Variants in ANKRD6 observed in about 807,000 individuals in gnomAD.
ANKRD6 encodes ankyrin repeat domain 6, also known as ankyrin repeat domain-containing protein 6.
ANKRD6 carries 56 observed loss-of-function variants against 82.3 expected under a neutral mutation model. That is an observed-to-expected ratio of 0.68 (90% CI 0.55 to 0.85). ANKRD6 has a LOEUF of 0.85. Ranked by LOEUF, ANKRD6 falls within the 40% of genes least tolerant of loss-of-function variation. ANKRD6 has a pLI of 0.00. For missense variants in ANKRD6, 852 were observed against 907.6 expected, an observed-to-expected ratio of 0.94 and a Z score of 0.79; for synonymous variants, 347 against 352.1, an observed-to-expected ratio of 0.99 and a Z score of 0.16.
intron 1 of ANKRD6, among the ~76,000 whole-genome samples, chr6:89,490,117 C>A (rs1389608303): frequency 6.6e-6 from 1 of 152,172 alleles, no homozygotes; most frequent in African/African-American, 2.4e-5. Context: ...CCTTAGTTTT[C>A]TGGTCATTCA....
rs151017512 is a variant in ANKRD6, at chr6:89,438,094, A to G, written c.-144+4719A>G. On this transcript the variant is annotated intron_variant, in intron 1 of 15. Coordinates refer to ENST00000339746, the MANE Select transcript of ANKRD6 (RefSeq NM_001242809.2). Reference sequence around the variant, plus strand: ...CTCTTCTTATACATATGATTCCTCAATAGTTGCATTTATCTTAGAAATACT... The same window carrying G: ...CTCTTCTTATACATATGATTCCTCAGTAGTTGCATTTATCTTAGAAATACT... 1.5e-3 allele frequency among the ~76,000 whole-genome samples: 229 copies of G among 152,354 alleles called. 1 individual carries two copies. Among genetic ancestry groups the G allele is most frequent in the African/African-American group, 5.2e-3 (218 of 41,580 alleles).
At chr6:89,516,570 G>A (rs570307687) in intron 1 of ANKRD6, among the ~76,000 whole-genome samples, 1 of 152,220 alleles carries the variant, frequency 6.6e-6, no homozygotes, top group African/African-American at 2.4e-5. Flanking sequence ...CACCTCCTGG[G>A]TTCAAGCGAT....
intron 5 of ANKRD6, 132 bp downstream of exon 5, chr6:89,606,237 C>T (rs773389750): frequency 1.2e-5 from 8 of 659,620 alleles, no homozygotes; most frequent in South Asian, 2.6e-5. Flanking sequence ...AAGGTCCATT[C>T]GGCCCAGAAG....
At chr6:89,614,334 G>A (rs1355348705) in intron 7 of ANKRD6, among the ~76,000 whole-genome samples, 1 of 152,022 alleles carries the variant, frequency 6.6e-6, no homozygotes, top group Non-Finnish European at 1.5e-5. Context: ...GCGAGACCCT[G>A]TCTCTACAAA....
At chr6:89,492,534 C>T (rs1357800467) in intron 1 of ANKRD6, among the ~76,000 whole-genome samples, 1 of 152,214 alleles carries the variant, frequency 6.6e-6, no homozygotes, top group African/African-American at 2.4e-5. Context: ...CAACCACGCA[C>T]ACCCCACTAG....
Position 89,456,017 on chromosome 6 carries a change from G to A in ANKRD6, c.-144+22642G>A, listed in dbSNP as rs188595852. Among the ~76,000 whole-genome samples the A allele has an allele frequency of 9.9e-5, 15 of 152,238 alleles. No individual in the cohort carries two copies. The East Asian group carries it at 2.9e-3, about 29-fold the overall frequency. On this transcript the variant is annotated intron_variant, in intron 1 of 15. Coordinates refer to ENST00000339746, the MANE Select transcript of ANKRD6 (RefSeq NM_001242809.2). The stretch of plus-strand genomic sequence containing the variant: ...GCCTCCTGAGTAACTGGGATTACAG[G>A]CACATGCCATCATGCCTGACTAATT...
At chr6:89,608,368 CT>C (rs1436574669) in intron 5 of ANKRD6, among the ~76,000 whole-genome samples, 3 of 130,752 alleles carry the variant, frequency 2.3e-5, no homozygotes, top group Non-Finnish European at 4.9e-5. Flanking sequence ...CACACACACA[CT>C]ATATATATAT....
chr6:89,493,550 C>T (rs1003242996), intron 1 of ANKRD6, among the ~76,000 whole-genome samples: 35 of 152,284 alleles, frequency 2.3e-4, no homozygotes, highest in African/African-American at 8.2e-4. Context: ...GCTGGGACTA[C>T]AGGCATGCAC....
intron 1 of ANKRD6, among the ~76,000 whole-genome samples, chr6:89,445,264 CTTTT>C (rs1227274602): frequency 3.1e-5 from 2 of 64,092 alleles, no homozygotes; most frequent in Non-Finnish European, 5.6e-5. Context: ...AGAGATCTTT[CTTTT>C]TTTTTTTTTT....
chr6:89,496,115 T>C (rs1778581438), intron 1 of ANKRD6, among the ~76,000 whole-genome samples: 1 of 151,630 alleles, frequency 6.6e-6, no homozygotes, highest in African/African-American at 2.4e-5. Flanking sequence ...GACTCCGGAG[T>C]TGTGCTTCTC....
At position 89,616,641 on chromosome 6, in the gene ANKRD6, C is replaced by T. The variant is rs2273238; in HGVS notation, c.698C>T (p.Thr233Met). The T allele has an allele frequency of 0.073, 117,103 of 1,613,750 alleles. 9,146 individuals are homozygous for T. The highest frequency in any genetic ancestry group is 0.3 in the African/African-American group (22,252 of 74,980). ...ATCTTACTGGAAGCCGGAGCAGATA[C>T]GACCATTGTTAACAATGTAAGTTGA... The part of the protein sequence containing the change: ...AKILLEAGAD[T>M]TIVNNAGQTP... Residue 233 changes from threonine (T) to methionine (M), a missense_variant, in exon 8 of 16, where the codon ACG (threonine) becomes ATG (methionine). Coordinates refer to ENST00000339746, the MANE Select transcript of ANKRD6 (RefSeq NM_001242809.2).
chr6:89,528,397 C>G (rs1002660608), intron 1 of ANKRD6, among the ~76,000 whole-genome samples: 23 of 152,364 alleles, frequency 1.5e-4, no homozygotes, highest in African/African-American at 5.5e-4. Flanking sequence ...TAAGAAGGAA[C>G]TCCTCATTCA....
At chr6:89,597,418 C>T (rs146190493) in intron 3 of ANKRD6, among the ~76,000 whole-genome samples, 132 of 152,290 alleles carry the variant, frequency 8.7e-4, no homozygotes, top group African/African-American at 3.1e-3. Context: ...TGTTGGGATG[C>T]ATTTGGTCTT....
chr6:89,618,054 T>C (rs1286543663), intron 9 of ANKRD6, 23 bp downstream of exon 9: 9 of 1,612,946 alleles, frequency 5.6e-6, no homozygotes, highest in Non-Finnish European at 7.6e-6. Flanking sequence ...GCCCTTTCCA[T>C]GGTACTGATT....
chr6:89,481,477 A>T lies in ANKRD6; in HGVS notation c.-144+48102A>T, dbSNP rs184211155. 1.7e-3 allele frequency among the ~76,000 whole-genome samples: 254 copies of T among 152,310 alleles called. 2 individuals are homozygous for T. Among genetic ancestry groups the T allele is most frequent in the African/African-American group, 5.8e-3 (239 of 41,554 alleles). Reference sequence around the variant, plus strand: ...CCCCCCAAAATTCAAAATCGGAAACACTTCTGATTCTAAGCATTTCAAATT... The same window carrying T: ...CCCCCCAAAATTCAAAATCGGAAACTCTTCTGATTCTAAGCATTTCAAATT... On this transcript the variant is annotated intron_variant, in intron 1 of 15. Coordinates refer to ENST00000339746, the MANE Select transcript of ANKRD6 (RefSeq NM_001242809.2).
At chr6:89,590,455 C>G (rs1794662936) in intron 2 of ANKRD6, among the ~76,000 whole-genome samples, 1 of 152,114 alleles carries the variant, frequency 6.6e-6, no homozygotes, top group African/African-American at 2.4e-5. Flanking sequence ...GCTTACACAC[C>G]AATACAGAGA....
At chr6:89,594,470 A>G (rs1383967910) in intron 2 of ANKRD6, among the ~76,000 whole-genome samples, 1 of 151,386 alleles carries the variant, frequency 6.6e-6, no homozygotes, top group Non-Finnish European at 1.5e-5. Context: ...AAAAAAAAAC[A>G]AAGGTTTGAA....
At position 89,630,922 on chromosome 6, in the gene ANKRD6, ATAAGGC is replaced by A; in HGVS notation, c.2105_2110del (p.Lys702_Ala703del). The A allele has an allele frequency of 6.2e-7, 1 of 1,610,708 alleles. No individual in the cohort carries two copies. The highest frequency in any genetic ancestry group is 1.1e-5 in the South Asian group (1 of 90,506). ...CAAGCCAATCAGAAAGCCCAGCAAG[ATAAGGC>A]TACATTGAAGGAACACATTAAAAGT... is the stretch of plus-strand genomic sequence containing the variant. On this transcript the variant is annotated inframe_deletion, in exon 16 of 16. Coordinates refer to ENST00000339746, the MANE Select transcript of ANKRD6 (RefSeq NM_001242809.2).
rs112142761 is a variant in ANKRD6, at chr6:89,529,185, C to T, written c.-143-37649C>T. ...ATCTTCTTCCAGTAGAAGGCTGATT[C>T]ATGTACATTGAAAAATCTGTTGTTT... On this transcript the variant is annotated intron_variant, in intron 1 of 15. Coordinates refer to ENST00000339746, the MANE Select transcript of ANKRD6 (RefSeq NM_001242809.2). 8.2e-3 allele frequency among the ~76,000 whole-genome samples: 1,254 copies of T among 152,326 alleles called. 25 individuals are homozygous for T. Among genetic ancestry groups the T allele is most frequent in the African/African-American group, 0.029 (1,211 of 41,582 alleles).
Sources: gnomAD v4.1 joint callset for allele counts (sites outside exome capture counted in the v4.1 genomes callset) on GRCh38, gnomAD v4.1.1 for gene constraint, MANE v1.5 for transcripts, NCBI Gene and HGNC (gene_info 2026-07-23, HGNC 2026-07-21) for gene names.